The following KCNQ1OT1 variants were observed in gnomAD, a reference collection of about 807,000 sequenced individuals.
KCNQ1OT1 encodes the protein KCNQ1 opposite strand/antisense transcript 1.
At chr11:2,634,498 G>A (rs1849422244) in exon 1 of KCNQ1OT1, 1 of 153,470 alleles carries the variant, frequency 6.5e-6, no homozygotes, top group Non-Finnish European at 1.4e-5. Flanking sequence ...TCCCTACAAA[G>A]GACGTGAACT....
At position 2,659,656 on chromosome 11, in the gene KCNQ1OT1, T is replaced by C; in HGVS notation, n.40339A>G. 2.5e-6 allele frequency: 1 copy of C among 398,516 alleles called. No individual in the cohort carries two copies. Among genetic ancestry groups the C allele is most frequent in the Non-Finnish European group, 4.4e-6 (1 of 226,008 alleles). The allele number at this position is 398,516 out of a possible 1,614,324, so 24.7% of individuals were successfully genotyped here. On this transcript the variant is annotated non_coding_transcript_exon_variant, in exon 1 of 1. Coordinates refer to ENST00000597346, the Ensembl canonical transcript of KCNQ1OT1. The surrounding 1 kb of genome is among the most constrained non-coding windows in gnomAD (Gnocchi z 4.3). ...TCATGTGGTATGTGTATGTTTAACTTAATAAGAAATTGCTAAACTATTTCC... is the reference window on the plus strand; with the variant it reads ...TCATGTGGTATGTGTATGTTTAACTCAATAAGAAATTGCTAAACTATTTCC...
At position 2,614,459 on chromosome 11, in the gene KCNQ1OT1, ATC is replaced by A. The variant is rs1428213994; in HGVS notation, n.85534_85535del. 3 of 398,346 alleles carry A rather than the reference ATC, an allele frequency of 7.5e-6. No homozygotes were observed. In the East Asian group the frequency reaches 1.1e-4, roughly 14 times the overall value. The allele number at this position is 398,346 out of a possible 1,614,324, so 24.7% of individuals were successfully genotyped here. A position where few individuals can be genotyped will look rare whatever the true frequency, so the allele number is the denominator to read the frequency against. On this transcript the variant is annotated non_coding_transcript_exon_variant, in exon 1 of 1. Coordinates refer to ENST00000597346, the Ensembl canonical transcript of KCNQ1OT1. ...TGTCTTTTCTAAGAATTTATTTCCA[ATC>A]TCAAGTCATAAAGATTTACTCCTGT... is the stretch of plus-strand genomic sequence containing the variant.
chr11:2,695,611 A>G lies in KCNQ1OT1; in HGVS notation n.4384T>C. The G allele has an allele frequency of 2.5e-6, 1 of 398,610 alleles. No individual in the cohort carries two copies. The highest frequency in any genetic ancestry group is 4.4e-6 in the Non-Finnish European group (1 of 226,070). The allele number at this position is 398,610 out of a possible 1,614,324, so 24.7% of individuals were successfully genotyped here. On this transcript the variant is annotated non_coding_transcript_exon_variant, in exon 1 of 1. Coordinates refer to ENST00000597346, the Ensembl canonical transcript of KCNQ1OT1. This position sits in a 1 kb window ranked among gnomAD's most constrained non-coding sequence, Gnocchi z 5.2. Reference sequence around the variant, plus strand: ...TGTTCTGGGTGAGAACTGCTCCAGCATGTTTACTTAGGAGGGAAACTGCTG... The same window carrying G: ...TGTTCTGGGTGAGAACTGCTCCAGCGTGTTTACTTAGGAGGGAAACTGCTG...
Position 2,657,532 on chromosome 11 carries a change from CCCACAT to C in KCNQ1OT1, n.42457_42462del, listed in dbSNP as rs1849871346. 2.5e-6 allele frequency: 1 copy of C among 398,438 alleles called. No individual in the cohort carries two copies. Among genetic ancestry groups the C allele is most frequent in the African/African-American group, 2.1e-5 (1 of 48,618 alleles). The allele number at this position is 398,438 out of a possible 1,614,324, so 24.7% of individuals were successfully genotyped here. ...AGAGAAACAAAAATAGTACCGAGTA[CCCACAT>C]CCCTTTCACCAGCTTCCCCTAATGT... is the stretch of plus-strand genomic sequence containing the variant. On this transcript the variant is annotated non_coding_transcript_exon_variant, in exon 1 of 1. Coordinates refer to ENST00000597346, the Ensembl canonical transcript of KCNQ1OT1. This position sits in a 1 kb window ranked among gnomAD's most constrained non-coding sequence, Gnocchi z 4.8.
chr11:2,662,292 C>A lies in KCNQ1OT1; in HGVS notation n.37703G>T, dbSNP rs1378019806. ...CCACTGAGCCTGGGAACATGATCCT[C>A]TTGTTTTGACTTATGGAAAACCAGA... On this transcript the variant is annotated non_coding_transcript_exon_variant, in exon 1 of 1. Coordinates refer to ENST00000597346, the Ensembl canonical transcript of KCNQ1OT1. The A allele has an allele frequency of 6.6e-6, 4 of 607,060 alleles. No homozygotes were observed. The East Asian group carries it at 1.1e-4, about 17-fold the overall frequency. 37.6% of individuals were successfully genotyped at this position (607,060 alleles called of 1,614,324 possible).
chr11:2,643,050 T>C (rs1849604616), exon 1 of KCNQ1OT1: 1 of 397,988 alleles, frequency 2.5e-6, no homozygotes, highest in Non-Finnish European at 4.4e-6. Context: ...AAAATATATA[T>C]ATATTTAAAA....
exon 1 of KCNQ1OT1, chr11:2,656,244 ATTAT>A (rs1202898052): frequency 3.0e-5 from 12 of 398,676 alleles, no homozygotes; most frequent in Non-Finnish European, 8.8e-6. Flanking sequence ...TGACAACTGC[ATTAT>A]ATAACCTAGG....
chr11:2,680,384 G>A (rs1463873117), exon 1 of KCNQ1OT1: 2 of 398,084 alleles, frequency 5.0e-6, no homozygotes, highest in Non-Finnish European at 8.8e-6. Context: ...CAAATCCATT[G>A]CAACATCCTT....
exon 1 of KCNQ1OT1, chr11:2,684,885 C>A (rs1850457441): frequency 2.5e-6 from 1 of 398,684 alleles, no homozygotes; most frequent in African/African-American, 2.1e-5. Flanking sequence ...GTTTTAGATT[C>A]TTTCACTACA....
Position 2,682,553 on chromosome 11 carries a change from C to T in KCNQ1OT1, n.17442G>A, listed in dbSNP as rs571891922. On this transcript the variant is annotated non_coding_transcript_exon_variant, in exon 1 of 1. Transcript: ENST00000597346. This position sits in a 1 kb window ranked among gnomAD's most constrained non-coding sequence, Gnocchi z 5.8. ...AGGTGCTAGGACCCTGGCAGGGGTTCCATAAGGCTATGCTGGGGTTCAGGC... is the reference window on the plus strand; with the variant it reads ...AGGTGCTAGGACCCTGGCAGGGGTTTCATAAGGCTATGCTGGGGTTCAGGC... The T allele has an allele frequency of 1.6e-4, 63 of 398,402 alleles. No individual in the cohort carries two copies. The highest frequency in any genetic ancestry group is 2.3e-4 in the Non-Finnish European group (53 of 226,068). The allele number at this position is 398,402 out of a possible 1,614,324, so 24.7% of individuals were successfully genotyped here.
chr11:2,656,329 G>A lies in KCNQ1OT1; in HGVS notation n.43666C>T, dbSNP rs1849847646. The A allele has an allele frequency of 4.5e-5, 18 of 398,660 alleles. No homozygotes were observed. The East Asian group carries it at 6.4e-4, about 14-fold the overall frequency. The allele number at this position is 398,660 out of a possible 1,614,324, so 24.7% of individuals were successfully genotyped here. On this transcript the variant is annotated non_coding_transcript_exon_variant, in exon 1 of 1. Coordinates refer to ENST00000597346, the Ensembl canonical transcript of KCNQ1OT1. ...TGCTTCTGCCAGGTCCCAGACCTGT[G>A]GGTCTCCAAATCTGCACATTCTTCA... is the stretch of plus-strand genomic sequence containing the variant.
exon 1 of KCNQ1OT1, chr11:2,610,040 C>T: frequency 7.5e-6 from 3 of 397,850 alleles, no homozygotes; most frequent in Non-Finnish European, 1.3e-5. Flanking sequence ...AGATTTATAT[C>T]CACAGTTTTA....
At chr11:2,643,046 T>C (rs1190023633) in exon 1 of KCNQ1OT1, 2 of 397,832 alleles carry the variant, frequency 5.0e-6, no homozygotes, top group African/African-American at 2.1e-5. Flanking sequence ...ATTTAAAATA[T>C]ATATATATTT....
Position 2,645,273 on chromosome 11 carries a change from G to A in KCNQ1OT1, n.54722C>T, listed in dbSNP as rs185248010. 125 of 398,646 alleles carry A rather than the reference G, an allele frequency of 3.1e-4. No homozygotes were observed. Among genetic ancestry groups the A allele is most frequent in the Non-Finnish European group, 4.6e-4 (104 of 226,230 alleles). The allele number at this position is 398,646 out of a possible 1,614,324, so 24.7% of individuals were successfully genotyped here. A position where few individuals can be genotyped will look rare whatever the true frequency, so the allele number is the denominator to read the frequency against. On this transcript the variant is annotated non_coding_transcript_exon_variant, in exon 1 of 1. Coordinates refer to ENST00000597346, the Ensembl canonical transcript of KCNQ1OT1. This position sits in a 1 kb window ranked among gnomAD's most constrained non-coding sequence, Gnocchi z 5.8. ...TGTGGTGGTAATGGTCAGTTGGGTAGGGCAGTCCTCAAGCCCCCAGGAGTG... is the reference window on the plus strand; with the variant it reads ...TGTGGTGGTAATGGTCAGTTGGGTAAGGCAGTCCTCAAGCCCCCAGGAGTG...
rs1590012815 is a variant in KCNQ1OT1, at chr11:2,659,711, C to T, written n.40284G>A. On this transcript the variant is annotated non_coding_transcript_exon_variant, in exon 1 of 1. Transcript: ENST00000597346. The surrounding 1 kb of genome is among the most constrained non-coding windows in gnomAD (Gnocchi z 4.3). ...GTCACTGTGCCATTTTGCATTCCCA[C>T]CAGTAACATATGAGAGTTCTACATG... is the stretch of plus-strand genomic sequence containing the variant. 1 of 398,440 alleles carries T rather than the reference C, an allele frequency of 2.5e-6. No individual in the cohort carries two copies. Among genetic ancestry groups the T allele is most frequent in the East Asian group, 3.6e-5 (1 of 28,044 alleles). The allele number at this position is 398,440 out of a possible 1,614,324, so 24.7% of individuals were successfully genotyped here.
rs1468750823 is a variant in KCNQ1OT1 at position 2,677,809 on chromosome 11, T to G, written n.22186A>C. On this transcript the variant is annotated non_coding_transcript_exon_variant, in exon 1 of 1. Transcript: ENST00000597346. The surrounding 1 kb of genome is among the most constrained non-coding windows in gnomAD (Gnocchi z 4.5). The stretch of plus-strand genomic sequence containing the variant: ...ATTTCCAGCAGGATTAAAATGTTCA[T>G]TTATGTTGTGATAGATACTGCCAAA... 1 of 398,474 alleles carries G rather than the reference T, an allele frequency of 2.5e-6. No individual in the cohort carries two copies. The highest frequency in any genetic ancestry group is 2.1e-5 in the African/African-American group (1 of 48,642). The allele number at this position is 398,474 out of a possible 1,614,324, so 24.7% of individuals were successfully genotyped here. A position where few individuals can be genotyped will look rare whatever the true frequency, so the allele number is the denominator to read the frequency against.
In KCNQ1OT1 at chr11:2,657,935, G is replaced by A. The variant is rs1849879671; in HGVS notation, n.42060C>T. On this transcript the variant is annotated non_coding_transcript_exon_variant, in exon 1 of 1. Transcript: ENST00000597346. The surrounding 1 kb of genome is among the most constrained non-coding windows in gnomAD (Gnocchi z 4.8). ...ATGACATCAACATGGTTTATCACTG[G>A]TAATATTAACCTTGAGCCACTCGTT... 1 of 398,524 alleles carries A rather than the reference G, an allele frequency of 2.5e-6. No homozygotes were observed. Among genetic ancestry groups the A allele is most frequent in the South Asian group, 1.3e-4 (1 of 7,842 alleles). The allele number at this position is 398,524 out of a possible 1,614,324, so 24.7% of individuals were successfully genotyped here. A position where few individuals can be genotyped will look rare whatever the true frequency, so the allele number is the denominator to read the frequency against.
chr11:2,666,065 A>G (rs1014915776), exon 1 of KCNQ1OT1: 1 of 398,528 alleles, frequency 2.5e-6, no homozygotes, highest in African/African-American at 2.1e-5. Flanking sequence ...GGACAGGCCC[A>G]TAAGCCCTGC....
At position 2,695,784 on chromosome 11, in the gene KCNQ1OT1, G is replaced by T. The variant is rs949411423; in HGVS notation, n.4211C>A. 2.0e-5 allele frequency: 8 copies of T among 398,468 alleles called. No individual in the cohort carries two copies. The highest frequency in any genetic ancestry group is 1.6e-4 in the African/African-American group (8 of 48,610). 24.7% of individuals were successfully genotyped at this position (398,468 alleles called of 1,614,324 possible). ...ACTTGGCCTTATCCTACTTTCTAAT[G>T]CTTCTCCTATGAAGAATAGCTGTTG... On this transcript the variant is annotated non_coding_transcript_exon_variant, in exon 1 of 1. Transcript: ENST00000597346. This position sits in a 1 kb window ranked among gnomAD's most constrained non-coding sequence, Gnocchi z 5.2.
Sources: allele counts gnomAD v4.1 joint callset, GRCh38; gene constraint gnomAD v4.1.1; non-coding constraint Gnocchi (gnomAD v3.1); transcripts MANE v1.5; gene names NCBI Gene and HGNC (gene_info 2026-07-23, HGNC 2026-07-21).